The following SIPA1L1 variants were observed in gnomAD, a reference collection of about 807,000 sequenced individuals.
SIPA1L1 encodes signal-induced proliferation-associated 1-like protein 1.
Under a neutral mutation model 162.7 loss-of-function variants are expected in SIPA1L1, and 26 were observed. The ratio of observed to expected loss-of-function variants is 0.16; its 90% CI spans 0.12 to 0.22. The LOEUF is 0.22. Among genes scored for constraint, SIPA1L1 ranks in the 10% least tolerant of loss-of-function variants. The pLI is 1.00. For synonymous variants in SIPA1L1, 829 were observed against 837.4 expected (o/e 0.99, Z 0.17); for missense variants, 1,874 against 2,241.0 (o/e 0.84, Z 3.31).
At chr14:71,501,971 G>A (rs1248514668) in intron 2 of SIPA1L1, among the ~76,000 whole-genome samples, 2 of 150,786 alleles carry the variant, frequency 1.3e-5, no homozygotes, top group South Asian at 2.1e-4. Flanking sequence ...ACTTGAACCC[G>A]GGAAGTAGAG....
At chr14:71,548,758 G>A (rs1476190321) in intron 4 of SIPA1L1, among the ~76,000 whole-genome samples, 1 of 151,750 alleles carries the variant, frequency 6.6e-6, no homozygotes, top group East Asian at 1.9e-4. Flanking sequence ...CCAGCTGAGC[G>A]CAGGTGGCAC....
intron 7 of SIPA1L1, among the ~76,000 whole-genome samples, chr14:71,639,472 A>G (rs538286793): frequency 1.3e-5 from 2 of 152,344 alleles, no homozygotes; most frequent in South Asian, 2.1e-4. Context: ...GAGCGTTAAC[A>G]TATATTAATC....
intron 11 of SIPA1L1, 36 bp downstream of exon 11, chr14:71,671,728 C>A (rs998206030): frequency 6.7e-7 from 1 of 1,495,416 alleles, no homozygotes; most frequent in Non-Finnish European, 9.0e-7. Flanking sequence ...CATGCAGTTT[C>A]TCTTTCATAA....
At position 71,739,107 on chromosome 14, in the gene SIPA1L1, G is replaced by C. The variant is rs142265143; in HGVS notation, c.5298G>C (p.Ser1766=). Residue 1766 remains serine, a synonymous_variant, in exon 24 of 24, where the codon TCG becomes TCC. Transcript: ENST00000381232. Reference sequence around the variant, plus strand: ...TACAGGAGGAGTCCCAGAACGCCTCGGACAAGCTGAAGAAGTTCACAGAAT... The same window carrying C: ...TACAGGAGGAGTCCCAGAACGCCTCCGACAAGCTGAAGAAGTTCACAGAAT... The part of the protein sequence containing the change: ...LRLQEESQNA[S]DKLKKFTEWV... 2,959 of 1,613,936 alleles carry C rather than the reference G, an allele frequency of 1.8e-3. 14 individuals are homozygous for C. The Middle Eastern group carries it at 0.018, about 10-fold the overall frequency.
At chr14:71,367,910 T>C (rs1331735199) in intron 2 of SIPA1L1, among the ~76,000 whole-genome samples, 3 of 117,818 alleles carry the variant, frequency 2.5e-5, no homozygotes, top group South Asian at 2.4e-4. Context: ...CCGGCCTTCC[T>C]TTTTTTTTTT....
chr14:71,613,444 A>G (rs1292341199), intron 5 of SIPA1L1, among the ~76,000 whole-genome samples: 6 of 151,982 alleles, frequency 3.9e-5, no homozygotes, highest in African/African-American at 1.5e-4. Context: ...TATCATTCTA[A>G]TATGGTGATT....
At chr14:71,712,910 C>T (rs1234575583) in intron 17 of SIPA1L1, among the ~76,000 whole-genome samples, 2 of 152,218 alleles carry the variant, frequency 1.3e-5, no homozygotes, top group African/African-American at 4.8e-5. Context: ...TAGCCAATTA[C>T]TACCCACTTA....
At chr14:71,628,061 G>A (rs766497031) in intron 7 of SIPA1L1, among the ~76,000 whole-genome samples, 53 of 152,204 alleles carry the variant, frequency 3.5e-4, no homozygotes, top group East Asian at 3.9e-4. Context: ...GAGGCAGGAG[G>A]ATTGCTTGAG....
chr14:71,602,932 G>C (rs2036958528), intron 5 of SIPA1L1, among the ~76,000 whole-genome samples: 1 of 152,206 alleles, frequency 6.6e-6, no homozygotes, highest in African/African-American at 2.4e-5. Flanking sequence ...CATGAAACCT[G>C]TTCCTGGTGC....
chr14:71,426,541 T>TC (rs2043581041), intron 2 of SIPA1L1, among the ~76,000 whole-genome samples: 1 of 52,172 alleles, frequency 1.9e-5, no homozygotes. Flanking sequence ...TAGGCTGGAG[T>TC]GCAAGTGGTA....
chr14:71,704,721 C>T lies in SIPA1L1; in HGVS notation c.3647-501C>T, dbSNP rs372064037. ...TGTGTGTCTTTTCTGTTGTGCTCAG[C>T]TTACAGTTATAGAGGACCTCAGGAT... is the stretch of plus-strand genomic sequence containing the variant. On this transcript the variant is annotated intron_variant, in intron 15 of 23. Transcript: ENST00000381232. The T allele has an allele frequency of 6.2e-6, 10 of 1,611,150 alleles. 1 individual carries two copies. In the South Asian group the frequency reaches 1.1e-4, roughly 18 times the overall value.
chr14:71,738,987 C>G (rs1306203719), intron 23 of SIPA1L1, 31 bp from the exon 24 acceptor site: 1 of 1,606,550 alleles, frequency 6.2e-7, no homozygotes, highest in Non-Finnish European at 8.5e-7. Flanking sequence ...GCCAACACCT[C>G]TTAGCTTTTC....
chr14:71,364,140 C>T (rs2038061488), intron 2 of SIPA1L1, among the ~76,000 whole-genome samples: 1 of 152,192 alleles, frequency 6.6e-6, no homozygotes, highest in Non-Finnish European at 1.5e-5. Flanking sequence ...TACAAGCACA[C>T]ATTCCTTAGT....
intron 7 of SIPA1L1, among the ~76,000 whole-genome samples, chr14:71,644,794 C>G (rs1225178820): frequency 6.6e-6 from 1 of 152,042 alleles, no homozygotes; most frequent in Non-Finnish European, 1.5e-5. Flanking sequence ...GTTGTTTTTC[C>G]TGAAGTAACA....
intron 19 of SIPA1L1, among the ~76,000 whole-genome samples, chr14:71,726,890 C>T (rs1207024634): frequency 6.6e-6 from 1 of 152,094 alleles, no homozygotes; most frequent in Non-Finnish European, 1.5e-5. Flanking sequence ...CCAGGCCACT[C>T]CTGGCTCAAG....
At chr14:71,395,925 T>C (rs1380976900) in intron 2 of SIPA1L1, among the ~76,000 whole-genome samples, 1 of 152,216 alleles carries the variant, frequency 6.6e-6, no homozygotes, top group Admixed American at 6.5e-5. Context: ...GAGTAGTAAC[T>C]TGCCCAGGGA....
intron 16 of SIPA1L1, 37 bp downstream of exon 16, chr14:71,705,377 C>T (rs747468281): frequency 1.4e-6 from 2 of 1,406,364 alleles, no homozygotes; most frequent in Non-Finnish European, 1.0e-6. Flanking sequence ...TATTAGATTC[C>T]TAGCAGTGTA....
intron 2 of SIPA1L1, chr14:71,398,271 G>A (rs986345738): frequency 1.6e-4 from 24 of 152,028 alleles, no homozygotes; most frequent in African/African-American, 5.6e-4. Context: ...AATTTTCAAA[G>A]GTTATTATGT....
chr14:71,708,777 T>C lies in SIPA1L1; in HGVS notation c.3766-445T>C, dbSNP rs545706549. Among the ~76,000 whole-genome samples, 13 of 152,328 alleles carry C rather than the reference T, an allele frequency of 8.5e-5. No homozygotes were observed. The East Asian group carries it at 1.3e-3, about 16-fold the overall frequency. ...AGGCTGTCTCCTAAACAGAGGCTAA[T>C]TGGGGAAGGAGGTCTCTCTAGACAT... is the stretch of plus-strand genomic sequence containing the variant. On this transcript the variant is annotated intron_variant, in intron 16 of 23. Coordinates refer to ENST00000381232, the MANE Select transcript of SIPA1L1 (RefSeq NM_001386936.1).
Sources: gnomAD v4.1 joint callset for allele counts (sites outside exome capture counted in the v4.1 genomes callset) on GRCh38, gnomAD v4.1.1 for gene constraint, MANE v1.5 for transcripts, NCBI Gene and HGNC (gene_info 2026-07-23, HGNC 2026-07-21) for gene names.